KCND3: variants seen among roughly 807,000 people sequenced by gnomAD.
KCND3 encodes the protein A-type voltage-gated potassium channel KCND3.
In KCND3, 9 loss-of-function variants were observed where a neutral mutation model predicts 51.1. The observed-to-expected ratio is 0.18, with a 90% CI of 0.11 to 0.31. The LOEUF (loss-of-function observed/expected upper bound fraction) is 0.31, where lower values mean the gene tolerates loss of function less well. KCND3 is among the 10% of genes least tolerant of loss of function. KCND3 has a pLI of 1.00. For synonymous variants in KCND3, 349 were observed against 368.0 expected (o/e 0.95, Z 0.59); for missense variants, 526 against 903.8 (o/e 0.58, Z 5.36).
intron 2 of KCND3, among the ~76,000 whole-genome samples, chr1:111,851,620 T>C (rs1377162035): frequency 2.6e-5 from 4 of 152,336 alleles, no homozygotes; most frequent in Non-Finnish European, 5.9e-5. Flanking sequence ...CTTTACCCCA[T>C]TGTATTGCAA....
chr1:111,871,865 C>A (rs1364955217), intron 2 of KCND3, among the ~76,000 whole-genome samples: 1 of 151,824 alleles, frequency 6.6e-6, no homozygotes, highest in Non-Finnish European at 1.5e-5. Context: ...AAGAGAGGTC[C>A]AAGGAAAGAA....
Position 111,874,931 on chromosome 1 carries a change from A to G in KCND3, c.1107-87825T>C, listed in dbSNP as rs534424073. Among the ~76,000 whole-genome samples the G allele has an allele frequency of 1.4e-4, 21 of 152,320 alleles. No individual in the cohort carries two copies. The East Asian group carries it at 3.1e-3, about 22-fold the overall frequency. On this transcript the variant is annotated intron_variant, in intron 2 of 7. Transcript: ENST00000302127. ...CCCAACTAACTCCTCACCTACCTCC[A>G]GGGCCACTGATCAGCCTGCAATAGG...
At chr1:111,832,632 G>A (rs1042646310) in intron 2 of KCND3, among the ~76,000 whole-genome samples, 1 of 152,120 alleles carries the variant, frequency 6.6e-6, no homozygotes, top group Admixed American at 6.5e-5. Context: ...ACTCAGAACT[G>A]CTCCATCTGA....
At chr1:111,878,531 G>C (rs949700677) in intron 2 of KCND3, among the ~76,000 whole-genome samples, 1 of 152,220 alleles carries the variant, frequency 6.6e-6, no homozygotes, top group African/African-American at 2.4e-5. Context: ...GGTGAGGTCT[G>C]GGGAGGAAAA....
chr1:111,844,992 T>C (rs973217328), intron 2 of KCND3, among the ~76,000 whole-genome samples: 1 of 152,222 alleles, frequency 6.6e-6, no homozygotes, highest in African/African-American at 2.4e-5. Flanking sequence ...ACTGCTGTTA[T>C]TGTTCCCCTT....
intron 2 of KCND3, among the ~76,000 whole-genome samples, chr1:111,884,865 C>A (rs866350713): frequency 1.3e-5 from 2 of 152,094 alleles, no homozygotes; most frequent in Admixed American, 6.5e-5. Context: ...TCTATCTTGG[C>A]ACTATTGACA....
chr1:111,866,263 C>CTTTTTTTTTTTTTTTTTTTTTTTTT (rs11399761), intron 2 of KCND3, among the ~76,000 whole-genome samples: 3 of 54,254 alleles, frequency 5.5e-5, no homozygotes, highest in African/African-American at 9.2e-5. Context: ...CTTTTCTTTT[C>CTTTTTTTTTTTTTTTTTTTTTTTTT]TTTTTTTTTT....
intron 2 of KCND3, among the ~76,000 whole-genome samples, chr1:111,895,676 T>G (rs1436232730): frequency 6.6e-6 from 1 of 152,224 alleles, no homozygotes; most frequent in Non-Finnish European, 1.5e-5. Context: ...TAACCCCTTC[T>G]CCATATGCTC....
chr1:111,939,212 C>A (rs530987911), intron 2 of KCND3, among the ~76,000 whole-genome samples: 1 of 152,260 alleles, frequency 6.6e-6, no homozygotes, highest in African/African-American at 2.4e-5. Context: ...TCAGGCCCCA[C>A]AAGGTGATTT....
chr1:111,822,011 T>C (rs933421308), intron 2 of KCND3, among the ~76,000 whole-genome samples: 1 of 152,116 alleles, frequency 6.6e-6, no homozygotes, highest in Admixed American at 6.5e-5. Context: ...GATTGGTCTC[T>C]CCATGCCCTT....
intron 2 of KCND3, among the ~76,000 whole-genome samples, chr1:111,903,486 G>A (rs1410964964): frequency 2.0e-5 from 3 of 152,246 alleles, no homozygotes; most frequent in African/African-American, 7.2e-5. Context: ...TCAGAGTGAT[G>A]CTGCAGAGTG....
Position 111,799,450 on chromosome 1 carries a change from C to T in KCND3, c.1107-12344G>A, listed in dbSNP as rs142174425. On this transcript the variant is annotated intron_variant, in intron 2 of 7. Transcript: ENST00000302127. ...TAGAAGTGAAAGAGTTAAATGTTAA[C>T]ATTATTACTGAGTATAATGCCTTAA... Among the ~76,000 whole-genome samples, 1,091 of 152,286 alleles carry T rather than the reference C, an allele frequency of 7.2e-3. 2 individuals carry two copies. The highest frequency in any genetic ancestry group is 0.011 in the Non-Finnish European group (736 of 68,022).
intron 2 of KCND3, among the ~76,000 whole-genome samples, chr1:111,938,740 C>T (rs139892499): frequency 3.9e-5 from 6 of 152,212 alleles, no homozygotes; most frequent in African/African-American, 1.2e-4. Context: ...GCAGGGAGGC[C>T]GCCAGGACTG....
intron 2 of KCND3, among the ~76,000 whole-genome samples, chr1:111,921,037 C>T (rs1031797131): frequency 6.6e-6 from 1 of 152,162 alleles, no homozygotes; most frequent in African/African-American, 2.4e-5. Flanking sequence ...GGGAAGAAGA[C>T]AGGTCTGTGG....
chr1:111,787,638 C>T (rs757469992), intron 2 of KCND3, among the ~76,000 whole-genome samples: 1 of 152,116 alleles, frequency 6.6e-6, no homozygotes, highest in Non-Finnish European at 1.5e-5. Context: ...GATCATGCAG[C>T]GTCTGACGGG....
At chr1:111,824,141 A>C (rs566921235) in intron 2 of KCND3, among the ~76,000 whole-genome samples, 1 of 151,992 alleles carries the variant, frequency 6.6e-6, no homozygotes, top group African/African-American at 2.4e-5. Flanking sequence ...AAAAAAGCTC[A>C]AACAAGAAAT....
intron 2 of KCND3, among the ~76,000 whole-genome samples, chr1:111,957,440 G>A (rs1429217198): frequency 1.3e-5 from 2 of 152,204 alleles, no homozygotes; most frequent in Non-Finnish European, 2.9e-5. Context: ...AACAAGGGAT[G>A]CTTCTGGGAA....
intron 2 of KCND3, among the ~76,000 whole-genome samples, chr1:111,822,353 A>G (rs1182726874): frequency 6.6e-6 from 1 of 151,694 alleles, no homozygotes; most frequent in Admixed American, 6.6e-5. Flanking sequence ...ATCTTCCCAA[A>G]CTGAAACTCC....
At chr1:111,787,839 A>G (rs1381193068) in intron 2 of KCND3, among the ~76,000 whole-genome samples, 1 of 152,234 alleles carries the variant, frequency 6.6e-6, no homozygotes, top group African/African-American at 2.4e-5. Context: ...TGAACTTTGT[A>G]TTCTTATCCC....
Sources: gnomAD v4.1 joint callset for allele counts (sites outside exome capture counted in the v4.1 genomes callset) on GRCh38, gnomAD v4.1.1 for gene constraint, MANE v1.5 for transcripts, NCBI Gene and HGNC (gene_info 2026-07-23, HGNC 2026-07-21) for gene names.